Variants in PCDH11X observed in about 807,000 individuals in gnomAD.
PCDH11X encodes protocadherin 11 X-linked.
Under a neutral mutation model 53.3 loss-of-function variants are expected in PCDH11X, and 18 were observed. The ratio of observed to expected loss-of-function variants is 0.34; its 90% CI spans 0.23 to 0.50. The LOEUF is 0.50. PCDH11X is among the 20% of genes least tolerant of loss of function. PCDH11X has a pLI of 0.98. For synonymous variants in PCDH11X, 279 were observed against 393.3 expected, an observed-to-expected ratio of 0.71 and a Z score of 3.44; for missense variants, 570 against 1,032.4, an observed-to-expected ratio of 0.55 and a Z score of 6.14.
At chrX:92,310,035 C>T (rs1207104297) in intron 8 of PCDH11X, among the ~76,000 whole-genome samples, 1 of 112,154 alleles carries the variant, frequency 8.9e-6, no homozygotes, top group African/African-American at 3.2e-5. Flanking sequence ...GTTTAACCAT[C>T]GTTCTTGTTT....
At chrX:92,243,249 A>T (rs1313940272) in intron 7 of PCDH11X, among the ~76,000 whole-genome samples, 3 of 112,012 alleles carry the variant, frequency 2.7e-5, no homozygotes, top group Non-Finnish European at 5.6e-5. Context: ...TTTTGAATTA[A>T]TTTTTGAATT....
At chrX:92,109,367 C>T (rs2064453359) in intron 6 of PCDH11X, among the ~76,000 whole-genome samples, 1 of 107,074 alleles carries the variant, frequency 9.3e-6, no homozygotes, top group African/African-American at 3.6e-5. Flanking sequence ...GAGGGAGATT[C>T]CATCTCAAAA....
intron 6 of PCDH11X, among the ~76,000 whole-genome samples, chrX:91,907,400 CACACACACACACAG>C (rs1442652085): frequency 3.1e-5 from 2 of 63,571 alleles, no homozygotes; most frequent in South Asian, 1.0e-3. Flanking sequence ...CACACACACA[CACACACACACACAG>C]AGAGAGAGAG....
chrX:91,783,083 T>C (rs1158741892), intron 1 of PCDH11X, among the ~76,000 whole-genome samples: 9 of 111,752 alleles, frequency 8.1e-5, no homozygotes. Flanking sequence ...AGGTGAGAGA[T>C]GTGGGCAAAG....
At chrX:91,930,216 G>GA (rs898879673) in intron 6 of PCDH11X, among the ~76,000 whole-genome samples, 1 of 107,744 alleles carries the variant, frequency 9.3e-6, no homozygotes, top group African/African-American at 3.4e-5. Flanking sequence ...TAAAATGATA[G>GA]AAAAAAATTG....
chrX:92,317,173 C>T (rs184394476), intron 8 of PCDH11X, among the ~76,000 whole-genome samples: 4 of 93,549 alleles, frequency 4.3e-5, no homozygotes, highest in Non-Finnish European at 8.5e-5. Flanking sequence ...TCCCCTCCCA[C>T]CCCCCCATCC....
chrX:92,572,585 G>A (rs5984195), intron 10 of PCDH11X, among the ~76,000 whole-genome samples: 29,174 of 106,583 alleles, frequency 0.27, 3,453 homozygotes, highest in Non-Finnish European at 0.31. Flanking sequence ...ACAAACTGAG[G>A]GCTGGGCCCT....
intron 10 of PCDH11X, among the ~76,000 whole-genome samples, chrX:92,606,467 C>A (rs1401463487): frequency 1.1e-4 from 12 of 106,606 alleles, no homozygotes; most frequent in Non-Finnish European, 1.7e-4. Flanking sequence ...TGCTGGATAT[C>A]CACATGCAAA....
At chrX:91,927,734 T>C (rs1941995114) in intron 6 of PCDH11X, among the ~76,000 whole-genome samples, 1 of 111,375 alleles carries the variant, frequency 9.0e-6, no homozygotes, top group Admixed American at 9.6e-5. Flanking sequence ...TTCTGAGAAG[T>C]TCCCCCATTG....
At chrX:92,596,301 G>A (rs1925594851) in intron 10 of PCDH11X, among the ~76,000 whole-genome samples, 1 of 111,441 alleles carries the variant, frequency 9.0e-6, no homozygotes. Context: ...GCAGGAAGAA[G>A]CCAGAGTAGT....
chrX:92,237,578 A>G (rs1011355804), intron 7 of PCDH11X, among the ~76,000 whole-genome samples: 3 of 111,431 alleles, frequency 2.7e-5, no homozygotes, highest in African/African-American at 9.7e-5. Flanking sequence ...TTTTCTTTCT[A>G]TTATTGTTAT....
chrX:92,306,856 A>G (rs1025637156), intron 8 of PCDH11X, among the ~76,000 whole-genome samples: 3 of 111,479 alleles, frequency 2.7e-5, no homozygotes, highest in African/African-American at 6.5e-5. Context: ...AGGCTAAGGC[A>G]GTAGAATTGC....
chrX:92,526,302 A>T (rs1378821700), intron 10 of PCDH11X, among the ~76,000 whole-genome samples: 1 of 110,787 alleles, frequency 9.0e-6, no homozygotes, highest in African/African-American at 3.3e-5. Context: ...GAGAATTGAG[A>T]TTTTTTAATA....
intron 8 of PCDH11X, among the ~76,000 whole-genome samples, chrX:92,299,492 T>G (rs1221885197): frequency 1.8e-5 from 2 of 111,311 alleles, no homozygotes; most frequent in Non-Finnish European, 3.8e-5. Context: ...TTGGACCTCA[T>G]TTTGTATTTG....
chrX:92,024,390 A>T (rs942983229), intron 6 of PCDH11X, among the ~76,000 whole-genome samples: 1 of 110,930 alleles, frequency 9.0e-6, no homozygotes, highest in African/African-American at 3.3e-5. Flanking sequence ...AGAGAGCCAA[A>T]TCATGAATGA....
At chrX:92,502,292 GTTCAAAGTAATTTATAGA>G (rs1281082718) in intron 10 of PCDH11X, among the ~76,000 whole-genome samples, 1 of 109,523 alleles carries the variant, frequency 9.1e-6, no homozygotes, top group Non-Finnish European at 1.9e-5. Context: ...TGGCCATACT[GTTCAAAGTAATTTATAGA>G]TTCAATGCTA....
chrX:92,064,375 C>T (rs1039514996), intron 6 of PCDH11X, among the ~76,000 whole-genome samples: 15 of 110,061 alleles, frequency 1.4e-4, no homozygotes, highest in African/African-American at 4.6e-4. Flanking sequence ...ACATACAATA[C>T]AATGCACCAA....
chrX:91,969,944 G>T (rs189451812), intron 6 of PCDH11X, among the ~76,000 whole-genome samples: 2 of 110,846 alleles, frequency 1.8e-5, no homozygotes, highest in Admixed American at 9.6e-5. Flanking sequence ...TCCCACTAAG[G>T]TTCAGCTTCC....
chrX:92,564,748 C>T (rs1007360809), intron 10 of PCDH11X, among the ~76,000 whole-genome samples: 2 of 110,940 alleles, frequency 1.8e-5, no homozygotes, highest in Non-Finnish European at 3.8e-5. Context: ...CACAGGCAAC[C>T]AAAGCAAAAA....
Sources: allele counts gnomAD v4.1 joint callset (sites outside exome capture counted in the v4.1 genomes callset), GRCh38; gene constraint gnomAD v4.1.1; transcripts MANE v1.5; gene names NCBI Gene and HGNC (gene_info 2026-07-23, HGNC 2026-07-21).